PPP2R5C: variants seen among roughly 807,000 people sequenced by gnomAD.
PPP2R5C encodes serine/threonine-protein phosphatase 2A 56 kDa regulatory subunit gamma isoform.
In PPP2R5C, 7 loss-of-function variants were observed where a neutral mutation model predicts 68.9. The ratio of observed to expected loss-of-function variants is 0.10; its 90% CI spans 0.06 to 0.19. The LOEUF (loss-of-function observed/expected upper bound fraction) is 0.19, where lower values mean the gene tolerates loss of function less well. Ranked by LOEUF, PPP2R5C falls within the 10% of genes least tolerant of loss-of-function variation. PPP2R5C has a pLI of 1.00. For synonymous variants in PPP2R5C, 210 were observed against 222.2 expected, an observed-to-expected ratio of 0.95 and a Z score of 0.49; for missense variants, 348 against 641.3, an observed-to-expected ratio of 0.54 and a Z score of 4.94.
At chr14:101,851,847 A>C (rs896338165) in intron 1 of PPP2R5C, among the ~76,000 whole-genome samples, 8 of 152,042 alleles carry the variant, frequency 5.3e-5, no homozygotes, top group Non-Finnish European at 1.2e-4. Context: ...CACAGTTTAC[A>C]TGATGCCTCT....
intron 2 of PPP2R5C, chr14:101,765,429 A>G: frequency 1.7e-6 from 1 of 597,728 alleles, no homozygotes; most frequent in Non-Finnish European, 3.0e-6. Context: ...CCACTTACCA[A>G]ATATGATTGA....
Position 101,906,724 on chromosome 14 carries a change from C to G in PPP2R5C, c.1151+195C>G. 1 of 661,384 alleles carries G rather than the reference C, an allele frequency of 1.5e-6. No homozygotes were observed. Among genetic ancestry groups the G allele is most frequent in the Non-Finnish European group, 2.4e-6 (1 of 412,694 alleles). 41.0% of individuals were successfully genotyped at this position (661,384 alleles called of 1,614,324 possible). On this transcript the variant is annotated intron_variant, in intron 10 of 13. Transcript: ENST00000334743. The surrounding 1 kb of genome is among the most constrained non-coding windows in gnomAD (Gnocchi z 4.0). The stretch of plus-strand genomic sequence containing the variant: ...CGTTGAATTTACCACCTTATACCTT[C>G]ATTCCTGCCAGTATAGAGGCACATT...
intron 1 of PPP2R5C, among the ~76,000 whole-genome samples, chr14:101,814,319 AC>A (rs1266466602): frequency 6.6e-6 from 1 of 152,158 alleles, no homozygotes; most frequent in African/African-American, 2.4e-5. Flanking sequence ...CCTTAACCTT[AC>A]CCATATCCTA....
At chr14:101,767,814 T>C (rs1374623208) in intron 2 of PPP2R5C, among the ~76,000 whole-genome samples, 2 of 152,128 alleles carry the variant, frequency 1.3e-5, no homozygotes, top group African/African-American at 2.4e-5. Flanking sequence ...CAGCCTCAGC[T>C]CCCGAGCTTT....
At chr14:101,761,699 C>T (rs1259610627), upstream of PPP2R5C, 55 of 309,210 alleles carry the variant, frequency 1.8e-4, 1 homozygote, top group Non-Finnish European at 2.4e-4. Context: ...CCGCCGCCGC[C>T]GCCGCCGCCG....
At chr14:101,927,702 G>T (rs1383476880) in exon 14 of PPP2R5C, 2 of 152,554 alleles carry the variant, frequency 1.3e-5, no homozygotes, top group Non-Finnish European at 2.9e-5. Context: ...TGTACAAAAT[G>T]TCCTATGTAC....
At chr14:101,784,352 T>TA (rs976602283) in intron 2 of PPP2R5C, among the ~76,000 whole-genome samples, 7 of 152,166 alleles carry the variant, frequency 4.6e-5, no homozygotes, top group Non-Finnish European at 1.0e-4. Flanking sequence ...CACACAGCTA[T>TA]AAAAAACTAC....
At chr14:101,830,479 A>G (rs1426057171) in intron 1 of PPP2R5C, among the ~76,000 whole-genome samples, 1 of 152,228 alleles carries the variant, frequency 6.6e-6, no homozygotes, top group African/African-American at 2.4e-5. Context: ...ATCAGCATAA[A>G]TCAGAGCAAC....
At chr14:101,819,571 G>C (rs1047474447) in intron 1 of PPP2R5C, 2 of 151,256 alleles carry the variant, frequency 1.3e-5, no homozygotes, top group African/African-American at 5.0e-5. Context: ...GTTTTTGTTT[G>C]GGTTTGTTTT....
chr14:101,834,016 C>T (rs1206269570), intron 1 of PPP2R5C, among the ~76,000 whole-genome samples: 1 of 152,154 alleles, frequency 6.6e-6, no homozygotes, highest in Non-Finnish European at 1.5e-5. Flanking sequence ...CCGTGTTGGC[C>T]AGGCTGGTCT....
At chr14:101,896,411 A>G (rs1184904147) in intron 8 of PPP2R5C, among the ~76,000 whole-genome samples, 1 of 152,078 alleles carries the variant, frequency 6.6e-6, no homozygotes, top group East Asian at 1.9e-4. Context: ...GATGTTGAGC[A>G]TCTTTTCAGC....
intron 1 of PPP2R5C, among the ~76,000 whole-genome samples, chr14:101,832,365 A>G (rs2040801359): frequency 6.6e-6 from 1 of 152,216 alleles, no homozygotes; most frequent in African/African-American, 2.4e-5. Context: ...ATGAATGTGA[A>G]AATATATAAT....
chr14:101,795,298 T>C (rs2038556405), intron 3 of PPP2R5C, among the ~76,000 whole-genome samples: 1 of 152,218 alleles, frequency 6.6e-6, no homozygotes, highest in Admixed American at 6.5e-5. Flanking sequence ...ATACAGAGTA[T>C]GTGAGATGCC....
intron 1 of PPP2R5C, among the ~76,000 whole-genome samples, chr14:101,849,703 C>CCTTT (rs1039986737): frequency 1.1e-5 from 1 of 91,162 alleles, no homozygotes; most frequent in Non-Finnish European, 2.5e-5. Context: ...CCAGTTGCTT[C>CCTTT]CTTTCTTTCT....
Position 101,915,462 on chromosome 14 carries a change from G to A in PPP2R5C, c.1327-2369G>A, listed in dbSNP as rs1468692897. ...AGGTTTATTTTGCTGTGAACATCTG[G>A]TAGCATTCTTGTGTAGGGACACTCT... On this transcript the variant is annotated intron_variant, in intron 12 of 13. Transcript: ENST00000334743. The surrounding 1 kb of genome is among the most constrained non-coding windows in gnomAD (Gnocchi z 4.2). 1.3e-5 allele frequency among the ~76,000 whole-genome samples: 2 copies of A among 152,196 alleles called. No homozygotes were observed. Among genetic ancestry groups the A allele is most frequent in the African/African-American group, 2.4e-5 (1 of 41,444 alleles).
chr14:101,881,988 G>C lies in PPP2R5C; in HGVS notation c.295-173G>C, dbSNP rs562015285. The stretch of plus-strand genomic sequence containing the variant: ...GTCCAAAGTGATGTTTCCTGCTGCA[G>C]TTTTGATCCAGGCTCTCTCTGAGGA... On this transcript the variant is annotated intron_variant, in intron 2 of 13. Transcript: ENST00000334743. Among the ~76,000 whole-genome samples, 37 of 152,314 alleles carry C rather than the reference G, an allele frequency of 2.4e-4. 1 individual carries two copies. In the South Asian group the frequency reaches 7.7e-3, roughly 32 times the overall value.
rs1389465551 is a variant in PPP2R5C, at chr14:101,906,319, C to G, written c.1024-83C>G. 1 of 1,413,940 alleles carries G rather than the reference C, an allele frequency of 7.1e-7. No homozygotes were observed. Among genetic ancestry groups the G allele is most frequent in the Non-Finnish European group, 9.5e-7 (1 of 1,057,966 alleles). The allele number at this position is 1,413,940 out of a possible 1,614,324, so 87.6% of individuals were successfully genotyped here. The stretch of plus-strand genomic sequence containing the variant: ...TTTCTGGTCCAAGGTAGTTCATTAC[C>G]CGACTCACAGGTTTAACAGCAAGGA... On this transcript the variant is annotated intron_variant, in intron 9 of 13. Transcript: ENST00000334743. This position sits in a 1 kb window ranked among gnomAD's most constrained non-coding sequence, Gnocchi z 4.0.
In PPP2R5C at chr14:101,801,932, TTTAAAAC is replaced by T. The variant is rs1387493661; in HGVS notation, c.259+15753_259+15759del. ...AGTTGGAGGACTCACACATCCTGAC[TTTAAAAC>T]TTACAGCAAAGCTACAGTAATCAAG... On this transcript the variant is annotated intron_variant, in intron 3 of 14. Coordinates refer to the PPP2R5C transcript ENST00000328724. Among the ~76,000 whole-genome samples the T allele has an allele frequency of 3.3e-5, 5 of 152,328 alleles. No individual in the cohort carries two copies. In the East Asian group the frequency reaches 9.6e-4, roughly 29 times the overall value.
chr14:101,765,021 A>C lies in PPP2R5C; in HGVS notation c.93+2051A>C, dbSNP rs1253820662. 1.6e-5 allele frequency: 10 copies of C among 610,808 alleles called. No homozygotes were observed. The Admixed American group carries it at 2.8e-4, about 17-fold the overall frequency. The allele number at this position is 610,808 out of a possible 1,614,324, so 37.8% of individuals were successfully genotyped here. A position where few individuals can be genotyped will look rare whatever the true frequency, so the allele number is the denominator to read the frequency against. On this transcript the variant is annotated intron_variant, in intron 2 of 14. Transcript: ENST00000328724. ...AAGTTTAAACCTGAAAAATCTCAGT[A>C]GTTCAAAGATACCAAAATCACTACT...
Sources: gnomAD v4.1 joint callset for allele counts (sites outside exome capture counted in the v4.1 genomes callset) on GRCh38, gnomAD v4.1.1 for gene constraint, Gnocchi (gnomAD v3.1) non-coding constraint, MANE v1.5 for transcripts, NCBI Gene and HGNC (gene_info 2026-07-23, HGNC 2026-07-21) for gene names.